IL1RAPL2: variants seen among roughly 807,000 people sequenced by gnomAD.
IL1RAPL2 encodes the protein X-linked interleukin-1 receptor accessory protein-like 2.
A neutral mutation model predicts 44.1 loss-of-function variants in IL1RAPL2; 3 were observed. That is an observed-to-expected ratio of 0.07 (90% CI 0.03 to 0.18). The LOEUF is 0.18. Ranked by LOEUF, IL1RAPL2 falls within the 10% of genes least tolerant of loss-of-function variation. The pLI, the probability that IL1RAPL2 is intolerant of heterozygous loss-of-function variation, is 1.00. For missense variants in IL1RAPL2, 391 were observed against 496.4 expected, an observed-to-expected ratio of 0.79 and a Z score of 2.02; for synonymous variants, 181 against 178.8, an observed-to-expected ratio of 1.01 and a Z score of -0.10.
At chrX:105,642,196 C>T (rs751884971) in intron 6 of IL1RAPL2, among the ~76,000 whole-genome samples, 1 of 110,278 alleles carries the variant, frequency 9.1e-6, no homozygotes, top group African/African-American at 3.3e-5. Flanking sequence ...ACCTATCCTG[C>T]AACTCATTCC....
intron 2 of IL1RAPL2, among the ~76,000 whole-genome samples, chrX:104,677,874 C>T (rs1325445783): frequency 8.9e-6 from 1 of 112,229 alleles, no homozygotes; most frequent in Non-Finnish European, 1.9e-5. Context: ...TGCCCTCCGT[C>T]ACCCCTTTCT....
At chrX:104,933,462 A>G (rs1043770352) in intron 2 of IL1RAPL2, among the ~76,000 whole-genome samples, 1 of 111,203 alleles carries the variant, frequency 9.0e-6, no homozygotes, top group Non-Finnish European at 1.9e-5. Context: ...TTTTCTCTAT[A>G]TATGCTTGAG....
At position 105,071,941 on chromosome X, in the gene IL1RAPL2, T is replaced by C. The variant is rs148648352; in HGVS notation, c.83-123534T>C. Among the ~76,000 whole-genome samples the C allele has an allele frequency of 3.2e-3, 363 of 112,216 alleles. 2 individuals carry two copies. Among genetic ancestry groups the C allele is most frequent in the African/African-American group, 0.011 (338 of 30,901 alleles). On this transcript the variant is annotated intron_variant, in intron 2 of 10. Coordinates refer to ENST00000372582, the MANE Select transcript of IL1RAPL2 (RefSeq NM_017416.2). ...GAAGAAAACACAGGGGAAAAGCTTC[T>C]TGACATTGGTCTGAGCAAAGATTGT...
chrX:104,589,053 G>A (rs1296678072), intron 1 of IL1RAPL2, among the ~76,000 whole-genome samples: 2 of 111,704 alleles, frequency 1.8e-5, no homozygotes, highest in African/African-American at 3.3e-5. Flanking sequence ...TATCTATGAC[G>A]GAGGTTGCAA....
chrX:104,920,347 C>CT (rs1449872877), intron 2 of IL1RAPL2, among the ~76,000 whole-genome samples: 2 of 110,273 alleles, frequency 1.8e-5, no homozygotes, highest in East Asian at 2.9e-4. Flanking sequence ...TCAGGCTGTG[C>CT]TTTTTTTAAT....
At chrX:104,592,402 C>T (rs777652267) in intron 1 of IL1RAPL2, among the ~76,000 whole-genome samples, 14 of 110,197 alleles carry the variant, frequency 1.3e-4, no homozygotes, top group East Asian at 2.9e-4. Context: ...ACTCCAAGAT[C>T]GTGGAGAAAT....
At chrX:105,652,184 T>TCAG (rs2147843578) in intron 6 of IL1RAPL2, among the ~76,000 whole-genome samples, 1 of 111,878 alleles carries the variant, frequency 8.9e-6, no homozygotes, top group South Asian at 3.7e-4. Context: ...TGTAGGTATG[T>TCAG]TATATGCCTG....
intron 6 of IL1RAPL2, among the ~76,000 whole-genome samples, chrX:105,487,457 T>G (rs939592446): frequency 7.1e-5 from 8 of 112,105 alleles, no homozygotes; most frequent in Non-Finnish European, 1.5e-4. Flanking sequence ...AGGCTGAACT[T>G]TTCGGGTTTT....
At chrX:105,569,469 T>C (rs1412117380) in intron 6 of IL1RAPL2, among the ~76,000 whole-genome samples, 5 of 111,733 alleles carry the variant, frequency 4.5e-5, no homozygotes, top group African/African-American at 6.5e-5. Flanking sequence ...ATGGCTTGCT[T>C]TAGCCATTGA....
intron 2 of IL1RAPL2, among the ~76,000 whole-genome samples, chrX:104,904,990 C>A (rs1330878882): frequency 2.7e-5 from 3 of 110,895 alleles, no homozygotes; most frequent in South Asian, 7.8e-4. Flanking sequence ...TTAATGATTG[C>A]CATTCTAACT....
intron 6 of IL1RAPL2, among the ~76,000 whole-genome samples, chrX:105,618,641 A>G (rs1282388519): frequency 9.0e-6 from 1 of 111,639 alleles, no homozygotes; most frequent in Non-Finnish European, 1.9e-5. Context: ...CAATTTCCTC[A>G]TGTGAAAAAT....
At chrX:104,765,795 G>T (rs1049879625) in intron 2 of IL1RAPL2, among the ~76,000 whole-genome samples, 3 of 111,841 alleles carry the variant, frequency 2.7e-5, no homozygotes, top group African/African-American at 9.8e-5. Flanking sequence ...AAAATTGAAA[G>T]TACCTGCATC....
intron 2 of IL1RAPL2, among the ~76,000 whole-genome samples, chrX:104,981,223 T>C (rs1426066769): frequency 2.7e-5 from 3 of 110,132 alleles, no homozygotes; most frequent in African/African-American, 6.6e-5. Context: ...ACAGATAATT[T>C]TGTGACCCAG....
chrX:105,254,423 G>C, intron 4 of IL1RAPL2, among the ~76,000 whole-genome samples: 1 of 111,724 alleles, frequency 9.0e-6, no homozygotes. Flanking sequence ...TTGGAGATTT[G>C]TTTAAGTTCC....
intron 5 of IL1RAPL2, among the ~76,000 whole-genome samples, chrX:105,451,079 C>A (rs920116737): frequency 1.8e-5 from 2 of 110,728 alleles, no homozygotes; most frequent in African/African-American, 6.6e-5. Context: ...CCAGAATGTT[C>A]TCTCCCTTTT....
At chrX:105,731,434 C>T (rs1360272273) in intron 7 of IL1RAPL2, among the ~76,000 whole-genome samples, 2 of 110,688 alleles carry the variant, frequency 1.8e-5, no homozygotes, top group South Asian at 3.7e-4. Flanking sequence ...AGAGAAGTAC[C>T]ATATGATCCA....
chrX:104,766,683 T>G (rs1298352701), intron 2 of IL1RAPL2, among the ~76,000 whole-genome samples: 1 of 112,179 alleles, frequency 8.9e-6, no homozygotes, highest in African/African-American at 3.2e-5. Context: ...GCCCAAAGCT[T>G]CCCAGCTAGT....
chrX:104,589,549 A>G (rs779492516), intron 1 of IL1RAPL2, among the ~76,000 whole-genome samples: 66 of 112,243 alleles, frequency 5.9e-4, no homozygotes, highest in African/African-American at 2.1e-3. Flanking sequence ...CTTCAATCCA[A>G]TCAAGTTGAC....
At chrX:104,981,058 TGTG>T (rs2030428328) in intron 2 of IL1RAPL2, among the ~76,000 whole-genome samples, 1 of 38,790 alleles carries the variant, frequency 2.6e-5, no homozygotes, top group East Asian at 1.1e-3. Flanking sequence ...CAAGGTATTG[TGTG>T]TGTGTGTGTG....
Sources: allele counts gnomAD v4.1 joint callset (sites outside exome capture counted in the v4.1 genomes callset), GRCh38; gene constraint gnomAD v4.1.1; transcripts MANE v1.5; gene names NCBI Gene and HGNC (gene_info 2026-07-23, HGNC 2026-07-21).